Variants in SOX5 observed in about 807,000 individuals in gnomAD.
SOX5 encodes SRY-box transcription factor 5, also known as transcription factor SOX-5.
A neutral mutation model predicts 92.0 loss-of-function variants in SOX5; 9 were observed. The observed-to-expected ratio is 0.10, with a 90% confidence interval of 0.06 to 0.17. SOX5 has a LOEUF of 0.17. SOX5 is among the 10% of genes least tolerant of loss of function. SOX5 has a pLI of 1.00. For synonymous variants in SOX5, 344 were observed against 336.3 expected, an observed-to-expected ratio of 1.02 and a Z score of -0.25; for missense variants, 642 against 944.5, an observed-to-expected ratio of 0.68 and a Z score of 4.20.
intron 2 of SOX5, among the ~76,000 whole-genome samples, chr12:23,852,715 G>A (rs2096646200): frequency 6.6e-6 from 1 of 152,128 alleles, no homozygotes; most frequent in Non-Finnish European, 1.5e-5. Context: ...ATAGCATAGT[G>A]ACAGGTGATT....
chr12:23,709,298 T>C (rs1374509344), intron 6 of SOX5, among the ~76,000 whole-genome samples: 3 of 152,002 alleles, frequency 2.0e-5, no homozygotes, highest in African/African-American at 7.2e-5. Context: ...GAGATGGGGA[T>C]CTCCCTGTGC....
chr12:24,048,870 A>T (rs997189), intron 4 of SOX5, among the ~76,000 whole-genome samples: 6,501 of 152,226 alleles, frequency 0.043, 137 homozygotes, highest in East Asian at 0.074. Flanking sequence ...TTCTAGGAAA[A>T]ATAAGGAGTG....
intron 4 of SOX5, among the ~76,000 whole-genome samples, chr12:24,071,200 C>T (rs1009159773): frequency 6.6e-6 from 1 of 151,936 alleles, no homozygotes; most frequent in Non-Finnish European, 1.5e-5. Context: ...TAAATATGAC[C>T]CCAATTAATG....
chr12:23,864,255 T>C (rs2096788063), intron 2 of SOX5, among the ~76,000 whole-genome samples: 1 of 152,148 alleles, frequency 6.6e-6, no homozygotes, highest in South Asian at 2.1e-4. Context: ...TGACTGCTAT[T>C]TTCCCATCTC....
chr12:23,913,757 AAG>A, intron 1 of SOX5, among the ~76,000 whole-genome samples: 1 of 151,986 alleles, frequency 6.6e-6, no homozygotes, highest in East Asian at 1.9e-4. Flanking sequence ...AAAAAAAAAA[AAG>A]AAAGCAAGCA....
intron 6 of SOX5, among the ~76,000 whole-genome samples, chr12:23,732,446 C>T (rs2093427927): frequency 6.8e-6 from 1 of 146,744 alleles, no homozygotes; most frequent in African/African-American, 2.5e-5. Context: ...CAGAACTATG[C>T]TTTTCGTTAA....
chr12:23,642,809 C>CTAGGATGGTGACAT (rs2080255323), intron 7 of SOX5, among the ~76,000 whole-genome samples: 2 of 111,542 alleles, frequency 1.8e-5, no homozygotes, highest in Admixed American at 8.0e-5. Context: ...AATTATGGGC[C>CTAGGATGGTGACAT]GGGCGCGGTG....
intron 1 of SOX5, among the ~76,000 whole-genome samples, chr12:24,529,382 T>C (rs1464045519): frequency 6.6e-6 from 1 of 152,174 alleles, no homozygotes; most frequent in East Asian, 1.9e-4. Context: ...CTAAAACAAA[T>C]ATTAAACACA....
At chr12:23,540,334 G>A (rs1475023153) in intron 13 of SOX5, among the ~76,000 whole-genome samples, 2 of 149,508 alleles carry the variant, frequency 1.3e-5, no homozygotes, top group African/African-American at 4.9e-5. Context: ...ACCTGCACAT[G>A]GTGGACATGT....
intron 3 of SOX5, among the ~76,000 whole-genome samples, chr12:24,217,374 G>A (rs1446709125): frequency 2.6e-5 from 4 of 152,178 alleles, no homozygotes; most frequent in Non-Finnish European, 4.4e-5. Flanking sequence ...CCCAGCTGAC[G>A]TAAGAGAATT....
chr12:23,879,994 C>T (rs1342194474), intron 2 of SOX5, among the ~76,000 whole-genome samples: 1 of 152,104 alleles, frequency 6.6e-6, no homozygotes, highest in Middle Eastern at 3.2e-3. Flanking sequence ...AACAAAATAA[C>T]CAGGATCATA....
At chr12:23,539,991 A>G (rs1941571687) in intron 13 of SOX5, among the ~76,000 whole-genome samples, 2 of 152,096 alleles carry the variant, frequency 1.3e-5, no homozygotes, top group South Asian at 4.1e-4. Flanking sequence ...TTTGATTTCA[A>G]TGGCTTTGCA....
chr12:24,183,964 C>G (rs866364653), intron 4 of SOX5, among the ~76,000 whole-genome samples: 1 of 152,148 alleles, frequency 6.6e-6, no homozygotes, highest in Admixed American at 6.6e-5. Context: ...AGAGTAACCA[C>G]TCATTACATA....
At chr12:23,603,445 A>T (rs867132498) in intron 9 of SOX5, among the ~76,000 whole-genome samples, 3 of 124,856 alleles carry the variant, frequency 2.4e-5, no homozygotes, top group Admixed American at 8.2e-5. Flanking sequence ...ATATATATAA[A>T]ATATATATAT....
intron 3 of SOX5, among the ~76,000 whole-genome samples, chr12:24,262,714 C>T (rs926198573): frequency 6.6e-6 from 1 of 152,144 alleles, no homozygotes; most frequent in African/African-American, 2.4e-5. Context: ...CCAGCTCCAC[C>T]TCAGGACTCT....
chr12:24,156,220 C>A (rs1952155242), intron 4 of SOX5, among the ~76,000 whole-genome samples: 1 of 152,140 alleles, frequency 6.6e-6, no homozygotes, highest in African/African-American at 2.4e-5. Context: ...AGTGCCCTTG[C>A]CTGAGATGAT....
chr12:24,252,593 T>A (rs1159635876), intron 3 of SOX5, among the ~76,000 whole-genome samples: 2 of 151,686 alleles, frequency 1.3e-5, no homozygotes, highest in Admixed American at 1.3e-4. Flanking sequence ...CATCTAAAAA[T>A]ATACCTCTTT....
chr12:24,136,070 G>A (rs529558022), intron 4 of SOX5, among the ~76,000 whole-genome samples: 3 of 152,304 alleles, frequency 2.0e-5, no homozygotes, highest in African/African-American at 7.2e-5. Context: ...CCAAAGAGAT[G>A]GGTTAAGGGT....
At chr12:23,928,111 T>C (rs768155730) in intron 1 of SOX5, among the ~76,000 whole-genome samples, 2 of 151,914 alleles carry the variant, frequency 1.3e-5, no homozygotes, top group Non-Finnish European at 2.9e-5. Flanking sequence ...CACAGCTCCC[T>C]GGAGAAATAA....
Sources: allele counts gnomAD v4.1 joint callset (sites outside exome capture counted in the v4.1 genomes callset), GRCh38; gene constraint gnomAD v4.1.1; transcripts MANE v1.5; gene names NCBI Gene and HGNC (gene_info 2026-07-23, HGNC 2026-07-21).